Variants in IFT74 observed in about 807,000 individuals in gnomAD.
IFT74 encodes the protein intraflagellar transport protein 74 homolog.
In IFT74, 92 loss-of-function variants were observed where a neutral mutation model predicts 96.7. The observed-to-expected ratio is 0.95, with a 90% CI of 0.80 to 1.13. The LOEUF (loss-of-function observed/expected upper bound fraction) is 1.13, where lower values mean the gene tolerates loss of function less well. Ranked by LOEUF, IFT74 falls within the 50% of genes most tolerant of loss-of-function variation. The pLI is 0.00. For missense variants in IFT74, 811 were observed against 698.2 expected (o/e 1.16, Z -1.82); for synonymous variants, 223 against 213.2 (o/e 1.05, Z -0.40).
At chr9:27,043,840 C>T (rs970335318) in intron 13 of IFT74, among the ~76,000 whole-genome samples, 2 of 152,194 alleles carry the variant, frequency 1.3e-5, no homozygotes, top group Non-Finnish European at 2.9e-5. Context: ...TACCACCGCT[C>T]TACTCAAGGC....
At chr9:27,046,638 T>C (rs1223682312) in intron 14 of IFT74, among the ~76,000 whole-genome samples, 3 of 152,182 alleles carry the variant, frequency 2.0e-5, no homozygotes. Flanking sequence ...CATTGGAAAT[T>C]ATAGAAATAA....
chr9:27,028,930 T>G lies in IFT74; in HGVS notation c.975-95T>G, dbSNP rs1587381310. 1.1e-5 allele frequency: 12 copies of G among 1,093,328 alleles called. No homozygotes were observed. The East Asian group carries it at 2.8e-4, about 26-fold the overall frequency. The allele number at this position is 1,093,328 out of a possible 1,614,324, so 67.7% of individuals were successfully genotyped here. A position where few individuals can be genotyped will look rare whatever the true frequency, so the allele number is the denominator to read the frequency against. ...AGACATATTATTTTTAGATATTGTT[T>G]ATGCAACTTGGAAAAGATATCTAAC... On this transcript the variant is annotated intron_variant, in intron 12 of 19. Transcript: ENST00000380062.
intron 1 of IFT74, among the ~76,000 whole-genome samples, chr9:26,958,574 A>G (rs1204163451): frequency 6.6e-6 from 1 of 152,224 alleles, no homozygotes; most frequent in African/African-American, 2.4e-5. Context: ...CCATGGGAGT[A>G]AGGGAGAGGA....
intron 12 of IFT74, among the ~76,000 whole-genome samples, chr9:27,020,474 T>G (rs12347807): frequency 0.084 from 12,538 of 148,712 alleles, 557 homozygotes; most frequent in Non-Finnish European, 0.1. Context: ...ATTTCTTTTT[T>G]TTTTTTTTCT....
chr9:26,976,453 T>G (rs1477184136), intron 2 of IFT74: 8 of 194,304 alleles, frequency 4.1e-5, no homozygotes, highest in Non-Finnish European at 8.5e-5. Flanking sequence ...CCTCGTGCCC[T>G]TTCCCCATTG....
At chr9:27,029,143 GT>G in intron 13 of IFT74, 39 bp downstream of exon 13, 2 of 1,490,966 alleles carry the variant, frequency 1.3e-6, no homozygotes, top group Non-Finnish European at 1.8e-6. Context: ...ATTAACAGAT[GT>G]TTAGCAGTAT....
chr9:26,995,499 A>T, intron 8 of IFT74: 5 of 1,439,598 alleles, frequency 3.5e-6, no homozygotes, highest in Non-Finnish European at 4.7e-6. Context: ...ACTTTGCTTT[A>T]AAAAGCAAAC....
At chr9:27,017,340 G>A (rs1829396235) in intron 11 of IFT74, among the ~76,000 whole-genome samples, 1 of 152,038 alleles carries the variant, frequency 6.6e-6, no homozygotes, top group Non-Finnish European at 1.5e-5. Context: ...CTCCACCTCA[G>A]CCTCCCGAGT....
At chr9:27,030,354 G>A (rs1209569239) in intron 13 of IFT74, among the ~76,000 whole-genome samples, 1 of 152,020 alleles carries the variant, frequency 6.6e-6, no homozygotes, top group Admixed American at 6.5e-5. Context: ...AGCCTCCTGA[G>A]TAGCTGGGAA....
At position 26,999,664 on chromosome 9, in the gene IFT74, A is replaced by C. The variant is rs1587322164; in HGVS notation, c.588-9356A>C. The C allele has an allele frequency of 1.9e-5, 30 of 1,610,368 alleles. No homozygotes were observed. In the East Asian group the frequency reaches 6.7e-4, roughly 36 times the overall value. On this transcript the variant is annotated intron_variant, in intron 8 of 19. Transcript: ENST00000380062. ...GATAATAATATCATGGAGAGGGGCC[A>C]AAAGAGGATTGTGATGCCTGTGACT... is the stretch of plus-strand genomic sequence containing the variant.
intron 8 of IFT74, chr9:26,995,281 T>C (rs1451015133): frequency 2.8e-6 from 1 of 355,370 alleles, no homozygotes; most frequent in Non-Finnish European, 5.1e-6. Flanking sequence ...CAAGCACTGC[T>C]AAGAATAGTA....
chr9:27,032,213 T>C (rs1830156798), intron 13 of IFT74, among the ~76,000 whole-genome samples: 1 of 152,256 alleles, frequency 6.6e-6, no homozygotes, highest in African/African-American at 2.4e-5. Context: ...TCAAGTCTGC[T>C]AGGTCAGTTA....
chr9:26,999,785 T>G, intron 8 of IFT74: 2 of 906,324 alleles, frequency 2.2e-6, no homozygotes, highest in East Asian at 5.6e-5. Flanking sequence ...TTTTTTTTTT[T>G]TTTTTTGGCT....
At position 27,047,170 on chromosome 9, in the gene IFT74, C is replaced by CA; in HGVS notation, c.1109-97dup. The CA allele has an allele frequency of 2.3e-5, 15 of 655,868 alleles. No homozygotes were observed. In the South Asian group the frequency reaches 2.4e-4, roughly 11 times the overall value. 40.6% of individuals were successfully genotyped at this position (655,868 alleles called of 1,614,324 possible). ...CTGGCAACAGAGTGAGACTCTGTCT[C>CA]AAAAAAAGAAAATTCTAAAAAGCAC... is the stretch of plus-strand genomic sequence containing the variant. On this transcript the variant is annotated intron_variant, in intron 14 of 19. Coordinates refer to ENST00000380062, the MANE Select transcript of IFT74 (RefSeq NM_025103.4).
intron 12 of IFT74, among the ~76,000 whole-genome samples, chr9:27,023,237 A>T (rs1185444185): frequency 1.1e-4 from 17 of 152,110 alleles, no homozygotes. Context: ...GTCTTGTTCC[A>T]GTTCTTAGGG....
At chr9:26,975,795 CCCT>C (rs1358460564) in intron 2 of IFT74, among the ~76,000 whole-genome samples, 1 of 152,166 alleles carries the variant, frequency 6.6e-6, no homozygotes, top group Non-Finnish European at 1.5e-5. Flanking sequence ...AAGGCTCAGT[CCCT>C]CGTATTAGAG....
chr9:27,061,316 G>A (rs1349977173), intron 19 of IFT74, among the ~76,000 whole-genome samples: 1 of 152,208 alleles, frequency 6.6e-6, no homozygotes, highest in Non-Finnish European at 1.5e-5. Flanking sequence ...TCTACTGCTT[G>A]TAAGTTACAA....
chr9:27,053,003 A>G (rs577094180), intron 16 of IFT74, among the ~76,000 whole-genome samples: 11 of 151,964 alleles, frequency 7.2e-5, no homozygotes, highest in Non-Finnish European at 1.3e-4. Flanking sequence ...AGCTGGGACT[A>G]CAGGCACCCA....
rs1410626065 is a variant in IFT74, at chr9:27,055,705, T to C, written c.1430T>C (p.Met477Thr). 1.3e-6 allele frequency: 2 copies of C among 1,594,162 alleles called. No individual in the cohort carries two copies. Among genetic ancestry groups the C allele is most frequent in the African/African-American group, 2.7e-5 (2 of 73,762 alleles). ...QHSLKSKIKQ[M>T]TTDLEIYNDL... The stretch of plus-strand genomic sequence containing the variant: ...TCTCTAAAAAGCAAAATTAAGCAAA[T>C]GACAACTGATCTGGAGATATATAAT... The change falls in exon 17 of 20, where the codon ATG (methionine) becomes ACG (threonine). Residue 477 changes from methionine to threonine, a missense_variant. Met to Thr is a moderately conservative substitution (Grantham distance 81). Transcript: ENST00000380062.
Sources: allele counts gnomAD v4.1 joint callset (sites outside exome capture counted in the v4.1 genomes callset), GRCh38; gene constraint gnomAD v4.1.1; transcripts MANE v1.5; gene names NCBI Gene and HGNC (gene_info 2026-07-23, HGNC 2026-07-21).